DUSP22: variants seen among roughly 807,000 people sequenced by gnomAD.
DUSP22 encodes the protein dual specificity phosphatase 22, also known as dual specificity protein phosphatase 22.
Under a neutral mutation model 24.5 loss-of-function variants are expected in DUSP22, and 24 were observed. The ratio of observed to expected loss-of-function variants is 0.98; its 90% CI spans 0.71 to 1.38. The LOEUF (loss-of-function observed/expected upper bound fraction) is 1.38. DUSP22 is among the 40% of genes most tolerant of loss of function. DUSP22 has a pLI of 0.00. For missense variants in DUSP22, 330 were observed against 269.2 expected (o/e 1.23, Z -1.58); for synonymous variants, 160 against 106.4 (o/e 1.50, Z -3.10).
At chr6:340,655 A>G (rs1276822992) in intron 4 of DUSP22, among the ~76,000 whole-genome samples, 1 of 152,302 alleles carries the variant, frequency 6.6e-6, no homozygotes, top group African/African-American at 2.4e-5. Context: ...ACACTTTTGT[A>G]TCATTTGCAG....
chr6:345,463 G>A (rs550843942), intron 4 of DUSP22, among the ~76,000 whole-genome samples: 179 of 152,350 alleles, frequency 1.2e-3, no homozygotes, highest in African/African-American at 4.1e-3. Flanking sequence ...GCCTGCCTCA[G>A]CCTCCCAAAT....
In DUSP22 at chr6:349,799, G is replaced by C; in HGVS notation, c.*848G>C. The C allele has an allele frequency of 1.0e-6, 1 of 985,982 alleles. No homozygotes were observed. The highest frequency in any genetic ancestry group is 1.2e-6 in the Non-Finnish European group (1 of 830,278). The allele number at this position is 985,982 out of a possible 1,614,324, so 61.1% of individuals were successfully genotyped here. A position where few individuals can be genotyped will look rare whatever the true frequency, so the allele number is the denominator to read the frequency against. On this transcript the variant is annotated 3_prime_UTR_variant, in exon 7 of 7. Transcript: ENST00000419235. Reference sequence around the variant, plus strand: ...GCCCATCGAGCCCTGAGTTCTACTTGGTGTTTGTTCTCTGGAGCTGATTGC... The same window carrying C: ...GCCCATCGAGCCCTGAGTTCTACTTCGTGTTTGTTCTCTGGAGCTGATTGC...
At chr6:307,403 GA>G (rs1182219436) in intron 2 of DUSP22, among the ~76,000 whole-genome samples, 3 of 152,244 alleles carry the variant, frequency 2.0e-5, no homozygotes, top group East Asian at 1.9e-4. Context: ...CAACTCTTAA[GA>G]AAAAAAAGCT....
chr6:315,783 C>G (rs1172362249), intron 3 of DUSP22, among the ~76,000 whole-genome samples: 2 of 152,308 alleles, frequency 1.3e-5, no homozygotes, highest in Non-Finnish European at 2.9e-5. Context: ...TTCTTGAGCT[C>G]CTCCTATGTT....
At chr6:292,796 C>T (rs3734780) in intron 1 of DUSP22, among the ~76,000 whole-genome samples, 3 of 152,194 alleles carry the variant, frequency 2.0e-5, no homozygotes, top group South Asian at 2.1e-4. Context: ...CCTTGCCAGC[C>T]GGTGCGTTTT....
intron 1 of DUSP22, among the ~76,000 whole-genome samples, chr6:301,687 TGA>T (rs1203363593): frequency 7.9e-5 from 12 of 152,352 alleles, no homozygotes; most frequent in Admixed American, 7.2e-4. Flanking sequence ...AGCAGAGAAT[TGA>T]GAGAGAGGTG....
intron 3 of DUSP22, among the ~76,000 whole-genome samples, chr6:312,390 G>A (rs1197360613): frequency 6.6e-6 from 1 of 152,270 alleles, no homozygotes; most frequent in Non-Finnish European, 1.5e-5. Flanking sequence ...GAAAACAGAA[G>A]GTGAATCGTC....
intron 2 of DUSP22, 28 bp from the exon 3 acceptor site, chr6:311,852 A>T (rs1173860289): frequency 1.2e-6 from 2 of 1,603,458 alleles, no homozygotes; most frequent in Non-Finnish European, 1.7e-6. Flanking sequence ...AAGATATCAA[A>T]ATGTCCATCC....
chr6:311,682 A>AC (rs1378751794), intron 2 of DUSP22, among the ~76,000 whole-genome samples, 198 bp from the exon 3 acceptor site: 2 of 152,204 alleles, frequency 1.3e-5, no homozygotes, highest in African/African-American at 2.4e-5. Flanking sequence ...TCCGTCTCAA[A>AC]AAAAAACAAA....
At chr6:309,381 A>T (rs1757963820) in intron 2 of DUSP22, among the ~76,000 whole-genome samples, 2 of 152,302 alleles carry the variant, frequency 1.3e-5, no homozygotes, top group African/African-American at 4.8e-5. Flanking sequence ...AAACTTAGGC[A>T]AAATACTTGA....
chr6:339,506 G>A (rs1225343829), intron 4 of DUSP22, among the ~76,000 whole-genome samples: 1 of 152,296 alleles, frequency 6.6e-6, no homozygotes, highest in African/African-American at 2.4e-5. Context: ...ATATTACATT[G>A]GCATTTTGTA....
intron 2 of DUSP22, among the ~76,000 whole-genome samples, chr6:311,013 G>A (rs1286338484): frequency 1.3e-5 from 2 of 152,426 alleles, no homozygotes; most frequent in African/African-American, 4.8e-5. Context: ...ACACTTTCAG[G>A]TTGCCTTGGG....
chr6:324,839 A>C (rs1442018567), intron 3 of DUSP22, among the ~76,000 whole-genome samples: 1 of 152,302 alleles, frequency 6.6e-6, no homozygotes, highest in Non-Finnish European at 1.5e-5. Context: ...ACCCATCTGC[A>C]GCTGAGGGAC....
chr6:303,166 G>A (rs1243573054), intron 1 of DUSP22, among the ~76,000 whole-genome samples: 5 of 152,310 alleles, frequency 3.3e-5, no homozygotes. Context: ...ACTACACACA[G>A]CAAAGCTCTG....
chr6:347,316 G>C (rs1759931252), intron 5 of DUSP22, among the ~76,000 whole-genome samples: 1 of 152,304 alleles, frequency 6.6e-6, no homozygotes, highest in Admixed American at 6.5e-5. Flanking sequence ...TGATATTCTA[G>C]GAATTAATAC....
rs1454489393 is a variant in DUSP22, at chr6:307,942, T to C, written c.55+3281T>C. Among the ~76,000 whole-genome samples the C allele has an allele frequency of 3.9e-5, 6 of 152,302 alleles. No homozygotes were observed. The East Asian group carries it at 1.2e-3, about 29-fold the overall frequency. ...ACCATGCTTAACAGGTCAGCATATG[T>C]CCATCCAGACTTATTTTTTCCACAT... On this transcript the variant is annotated intron_variant, in intron 2 of 6. Transcript: ENST00000419235.
intron 2 of DUSP22, among the ~76,000 whole-genome samples, chr6:308,059 G>A (rs1180476046): frequency 1.3e-5 from 2 of 151,846 alleles, no homozygotes; most frequent in African/African-American, 4.9e-5. Flanking sequence ...GCTGGCACCG[G>A]GCCAAAGGTC....
intron 4 of DUSP22, among the ~76,000 whole-genome samples, chr6:340,804 C>G (rs575233118): frequency 2.0e-5 from 3 of 152,420 alleles, no homozygotes; most frequent in East Asian, 1.9e-4. Flanking sequence ...AGGCAAAGTC[C>G]TTTTGAGCAG....
intron 4 of DUSP22, among the ~76,000 whole-genome samples, chr6:345,226 T>TC (rs745818878): frequency 5.8e-3 from 836 of 144,414 alleles, no homozygotes; most frequent in Middle Eastern, 0.017. Flanking sequence ...GTTTCTTTCT[T>TC]TTTTTTTTTT....
Sources: gnomAD v4.1 joint callset for allele counts (sites outside exome capture counted in the v4.1 genomes callset) on GRCh38, gnomAD v4.1.1 for gene constraint, MANE v1.5 for transcripts, NCBI Gene and HGNC (gene_info 2026-07-23, HGNC 2026-07-21) for gene names.